The following COL22A1 variants were observed in gnomAD, a reference collection of about 807,000 sequenced individuals.
COL22A1 encodes the protein collagen type XXII alpha 1 chain.
Under a neutral mutation model 248.9 loss-of-function variants are expected in COL22A1, and 221 were observed. The ratio of observed to expected loss-of-function variants is 0.89; its 90% CI spans 0.80 to 0.99. COL22A1 has a LOEUF of 0.99. Among genes scored for constraint, COL22A1 ranks in the 50% least tolerant of loss-of-function variants. The probability of loss-of-function intolerance (pLI) is 0.00; values close to 1 mark genes in which losing one functional copy is unlikely to be tolerated. For synonymous variants in COL22A1, 891 were observed against 793.4 expected (o/e 1.12, Z -2.07); for missense variants, 2,240 against 2,179.0 (o/e 1.03, Z -0.56).
chr8:138,773,475 T>G (rs34974016), intron 16 of COL22A1, among the ~76,000 whole-genome samples: 2 of 152,268 alleles, frequency 1.3e-5, no homozygotes, highest in Non-Finnish European at 2.9e-5. Flanking sequence ...TCATCCATTG[T>G]CCTTACAGGG....
chr8:138,722,904 G>T (rs983565344), intron 25 of COL22A1, among the ~76,000 whole-genome samples: 8 of 148,754 alleles, frequency 5.4e-5, no homozygotes, highest in Non-Finnish European at 1.2e-4. Flanking sequence ...GTGGAGGGAG[G>T]TGTGCAGGGG....
chr8:138,675,364 G>A (rs140654775), intron 41 of COL22A1, among the ~76,000 whole-genome samples: 9 of 152,324 alleles, frequency 5.9e-5, no homozygotes, highest in African/African-American at 1.9e-4. Flanking sequence ...TGAGAGTCAT[G>A]CATGAAGAAT....
At chr8:138,653,624 G>A (rs1333844495) in intron 45 of COL22A1, among the ~76,000 whole-genome samples, 1 of 152,114 alleles carries the variant, frequency 6.6e-6, no homozygotes, top group African/African-American at 2.4e-5. Flanking sequence ...TCCAACTATG[G>A]ACATTCATTT....
chr8:138,774,959 G>C (rs1021829804), intron 16 of COL22A1, among the ~76,000 whole-genome samples: 33 of 152,280 alleles, frequency 2.2e-4, no homozygotes, highest in African/African-American at 7.0e-4. Flanking sequence ...GAATTCCCAA[G>C]GGAAATATGC....
chr8:138,733,135 C>T (rs917136181), intron 23 of COL22A1, among the ~76,000 whole-genome samples: 1 of 152,168 alleles, frequency 6.6e-6, no homozygotes, highest in Admixed American at 6.5e-5. Context: ...GCCAAGCCCT[C>T]CCCTGCCTGC....
intron 12 of COL22A1, among the ~76,000 whole-genome samples, chr8:138,784,694 AG>A (rs988064938): frequency 3.3e-5 from 5 of 152,192 alleles, no homozygotes; most frequent in African/African-American, 7.2e-5. Flanking sequence ...TATTATTACA[AG>A]GCGCCAGGCA....
At chr8:138,819,482 C>G (rs1056364570) in intron 7 of COL22A1, among the ~76,000 whole-genome samples, 1 of 151,636 alleles carries the variant, frequency 6.6e-6, no homozygotes, top group Admixed American at 6.6e-5. Context: ...CAATATTACC[C>G]TCTATGCCCA....
chr8:138,878,957 G>A (rs1004049515), intron 2 of COL22A1, among the ~76,000 whole-genome samples: 17 of 152,086 alleles, frequency 1.1e-4, no homozygotes, highest in African/African-American at 3.1e-4. Flanking sequence ...GTGGTGAGCC[G>A]AGATTGCACC....
intron 40 of COL22A1, among the ~76,000 whole-genome samples, chr8:138,677,585 C>T (rs1192358418): frequency 5.3e-5 from 8 of 151,616 alleles, no homozygotes; most frequent in African/African-American, 1.9e-4. Context: ...GGCAGCAAAA[C>T]CTGACTTGTG....
chr8:138,601,888 A>C (rs1018363748), intron 60 of COL22A1, among the ~76,000 whole-genome samples: 1 of 152,238 alleles, frequency 6.6e-6, no homozygotes, highest in Non-Finnish European at 1.5e-5. Flanking sequence ...AAAGAAAAAA[A>C]GGAAAAACAT....
intron 51 of COL22A1, among the ~76,000 whole-genome samples, chr8:138,624,178 GATA>G (rs1462283001): frequency 6.6e-6 from 1 of 152,164 alleles, no homozygotes; most frequent in Non-Finnish European, 1.5e-5. Context: ...TGCTGACGAT[GATA>G]ATGAGGACAT....
At chr8:138,769,528 G>A (rs1406281776) in intron 16 of COL22A1, among the ~76,000 whole-genome samples, 3 of 152,012 alleles carry the variant, frequency 2.0e-5, no homozygotes, top group Admixed American at 2.0e-4. Flanking sequence ...TCCACCCAAA[G>A]GGCTGCCTTG....
chr8:138,678,858 C>G (rs1383183017), intron 40 of COL22A1, among the ~76,000 whole-genome samples: 1 of 152,126 alleles, frequency 6.6e-6, no homozygotes, highest in Admixed American at 6.6e-5. Context: ...CATTTAAAAA[C>G]AACTATATAA....
At chr8:138,881,555 G>C (rs1321369883) in intron 2 of COL22A1, among the ~76,000 whole-genome samples, 3 of 152,164 alleles carry the variant, frequency 2.0e-5, no homozygotes, top group Non-Finnish European at 4.4e-5. Flanking sequence ...CATGGTGGCA[G>C]GCGCCTGTAG....
At chr8:138,613,530 AC>A (rs1179506157) in intron 56 of COL22A1, among the ~76,000 whole-genome samples, 1 of 152,190 alleles carries the variant, frequency 6.6e-6, no homozygotes, top group Non-Finnish European at 1.5e-5. Context: ...GTACTTGGTT[AC>A]AGCAGCCTCG....
At chr8:138,694,216 C>T (rs1827312384) in intron 34 of COL22A1, among the ~76,000 whole-genome samples, 1 of 152,204 alleles carries the variant, frequency 6.6e-6, no homozygotes, top group Non-Finnish European at 1.5e-5. Context: ...CTCTCCAGAT[C>T]CCGCTGAGCA....
At chr8:138,612,350 A>G (rs1818931464) in intron 56 of COL22A1, among the ~76,000 whole-genome samples, 2 of 152,172 alleles carry the variant, frequency 1.3e-5, no homozygotes, top group South Asian at 2.1e-4. Context: ...AGGCACCTAA[A>G]TATCTATTTT....
chr8:138,725,484 G>A (rs750459639), intron 23 of COL22A1, 44 bp from the exon 24 acceptor site: 2 of 1,553,322 alleles, frequency 1.3e-6, no homozygotes, highest in Non-Finnish European at 1.8e-6. Flanking sequence ...GGGTCCTGAT[G>A]AGCCTCCTAG....
chr8:138,676,518 G>A (rs1235654625), intron 41 of COL22A1, 40 bp downstream of exon 41: 12 of 1,353,074 alleles, frequency 8.9e-6, no homozygotes. Context: ...ATGGCTGTAT[G>A]TCCTGAAAGC....
Sources: gnomAD v4.1 joint callset for allele counts (sites outside exome capture counted in the v4.1 genomes callset) on GRCh38, gnomAD v4.1.1 for gene constraint, MANE v1.5 for transcripts, NCBI Gene and HGNC (gene_info 2026-07-23, HGNC 2026-07-21) for gene names.